Variants in SH3PXD2A observed in about 807,000 individuals in gnomAD.
SH3PXD2A encodes the protein SH3 and PX domains 2A.
SH3PXD2A carries 32 observed loss-of-function variants against 115.2 expected under a neutral mutation model. That is an observed-to-expected ratio of 0.28 (90% confidence interval 0.21 to 0.37). The LOEUF (loss-of-function observed/expected upper bound fraction) is 0.37, where lower values mean the gene tolerates loss of function less well. Ranked by LOEUF, SH3PXD2A falls within the 10% of genes least tolerant of loss-of-function variation. The pLI is 1.00. For missense variants in SH3PXD2A, 1,328 were observed against 1,498.7 expected (o/e 0.89, Z 1.88); for synonymous variants, 610 against 629.1 (o/e 0.97, Z 0.45).
chr10:103,789,056 T>C (rs903445140), intron 2 of SH3PXD2A, among the ~76,000 whole-genome samples: 1 of 151,836 alleles, frequency 6.6e-6, no homozygotes, highest in African/African-American at 2.4e-5. Flanking sequence ...GACGAATAAC[T>C]CTATCTTCCC....
intron 13 of SH3PXD2A, among the ~76,000 whole-genome samples, chr10:103,606,907 C>T (rs1185734222): frequency 8.5e-5 from 13 of 152,340 alleles, no homozygotes; most frequent in South Asian, 8.3e-4. Flanking sequence ...AGCCTCTGCC[C>T]GGCCGCCACC....
At chr10:103,765,740 C>T (rs976265142) in intron 3 of SH3PXD2A, among the ~76,000 whole-genome samples, 1 of 152,244 alleles carries the variant, frequency 6.6e-6, no homozygotes, top group Non-Finnish European at 1.5e-5. Flanking sequence ...CAAACCCTGG[C>T]ACTGAGCTTC....
intron 10 of SH3PXD2A, among the ~76,000 whole-genome samples, chr10:103,617,996 G>GAA (rs1159607035): frequency 6.6e-6 from 1 of 152,204 alleles, no homozygotes; most frequent in Non-Finnish European, 1.5e-5. Flanking sequence ...AATGAGCTTG[G>GAA]AAACACCAAG....
intron 2 of SH3PXD2A, among the ~76,000 whole-genome samples, chr10:103,783,526 G>GGT (rs2038952839): frequency 6.6e-6 from 1 of 152,216 alleles, no homozygotes; most frequent in Admixed American, 6.5e-5. Flanking sequence ...TGACTGGCCA[G>GGT]GTGTGGGGTG....
At chr10:103,716,084 C>T (rs1480237435) in intron 5 of SH3PXD2A, among the ~76,000 whole-genome samples, 1 of 152,216 alleles carries the variant, frequency 6.6e-6, no homozygotes, top group Non-Finnish European at 1.5e-5. Flanking sequence ...CTGACCTCCT[C>T]CCACCCCAGG....
At chr10:103,640,705 C>T (rs1055435044) in intron 8 of SH3PXD2A, among the ~76,000 whole-genome samples, 7 of 152,100 alleles carry the variant, frequency 4.6e-5, no homozygotes, top group Non-Finnish European at 7.4e-5. Flanking sequence ...TCATGCTGGT[C>T]GTGGTTAAGT....
chr10:103,844,318 GAGCTCCACTGCC>G (rs1842818939), intron 1 of SH3PXD2A, among the ~76,000 whole-genome samples: 1 of 152,158 alleles, frequency 6.6e-6, no homozygotes, highest in South Asian at 2.1e-4. Flanking sequence ...CACCCTCTCG[GAGCTCCACTGCC>G]AGCCCCATGC....
chr10:103,676,602 T>A (rs965546571), intron 6 of SH3PXD2A, among the ~76,000 whole-genome samples: 4 of 152,060 alleles, frequency 2.6e-5, no homozygotes, highest in Non-Finnish European at 5.9e-5. Context: ...GACCGGAAGC[T>A]TCCTGGTTAA....
chr10:103,741,979 T>C (rs72815802), intron 3 of SH3PXD2A, among the ~76,000 whole-genome samples: 2,717 of 152,118 alleles, frequency 0.018, 30 homozygotes, highest in Non-Finnish European at 0.031. Flanking sequence ...ACCCTGTCTC[T>C]ACAAAATGCT....
At chr10:103,742,093 G>A (rs2038450362) in intron 3 of SH3PXD2A, among the ~76,000 whole-genome samples, 1 of 152,198 alleles carries the variant, frequency 6.6e-6, no homozygotes. Context: ...AGGCTGCACT[G>A]AGTCATGATC....
At chr10:103,798,411 G>C (rs765936445) in intron 2 of SH3PXD2A, among the ~76,000 whole-genome samples, 1 of 152,232 alleles carries the variant, frequency 6.6e-6, no homozygotes, top group Non-Finnish European at 1.5e-5. Flanking sequence ...CTAGGCTCAA[G>C]TGATCGTCCC....
chr10:103,667,146 G>C (rs1057508649), intron 7 of SH3PXD2A, among the ~76,000 whole-genome samples: 1 of 152,178 alleles, frequency 6.6e-6, no homozygotes, highest in Admixed American at 6.5e-5. Context: ...GGCCCAGAGA[G>C]ACTCTGGCCC....
At chr10:103,674,885 C>T (rs1204902573) in intron 6 of SH3PXD2A, among the ~76,000 whole-genome samples, 1 of 152,114 alleles carries the variant, frequency 6.6e-6, no homozygotes, top group African/African-American at 2.4e-5. Flanking sequence ...CAAAAACAAA[C>T]ACCAATTAAG....
chr10:103,705,217 A>C (rs1171332338), intron 5 of SH3PXD2A, among the ~76,000 whole-genome samples: 4 of 151,718 alleles, frequency 2.6e-5, no homozygotes, highest in African/African-American at 9.7e-5. Context: ...GAGCTTCTAC[A>C]CCAAGGTAAA....
intron 8 of SH3PXD2A, among the ~76,000 whole-genome samples, chr10:103,657,683 T>C (rs1333421992): frequency 2.0e-5 from 3 of 152,248 alleles, no homozygotes; most frequent in Non-Finnish European, 4.4e-5. Context: ...TCCTGTTCTC[T>C]GGAACAGGTT....
At chr10:103,736,116 G>A (rs1045325562) in intron 3 of SH3PXD2A, among the ~76,000 whole-genome samples, 1 of 152,212 alleles carries the variant, frequency 6.6e-6, no homozygotes, top group Non-Finnish European at 1.5e-5. Context: ...CCCGGAGTGG[G>A]TGCGGCTCTC....
At chr10:103,654,423 T>C (rs1243616280) in intron 8 of SH3PXD2A, among the ~76,000 whole-genome samples, 1 of 151,976 alleles carries the variant, frequency 6.6e-6, no homozygotes, top group Non-Finnish European at 1.5e-5. Flanking sequence ...ATGGGGGAAA[T>C]TGAGGCCACA....
chr10:103,614,813 G>A (rs1179739614), intron 11 of SH3PXD2A, among the ~76,000 whole-genome samples: 1 of 152,140 alleles, frequency 6.6e-6, no homozygotes, highest in African/African-American at 2.4e-5. Flanking sequence ...CGCTCATTAG[G>A]TGGGAGAAAA....
At chr10:103,657,902 C>T (rs1460304464) in intron 8 of SH3PXD2A, among the ~76,000 whole-genome samples, 1 of 152,226 alleles carries the variant, frequency 6.6e-6, no homozygotes, top group Non-Finnish European at 1.5e-5. Context: ...CCAACTTGGA[C>T]TTCTACCCTT....
Sources: gnomAD v4.1 joint callset for allele counts (sites outside exome capture counted in the v4.1 genomes callset) on GRCh38, gnomAD v4.1.1 for gene constraint, MANE v1.5 for transcripts, NCBI Gene and HGNC (gene_info 2026-07-23, HGNC 2026-07-21) for gene names.